ITFG1: variants seen among roughly 807,000 people sequenced by gnomAD.
ITFG1 encodes the protein integrin alpha FG-GAP repeat containing 1.
ITFG1 carries 34 observed loss-of-function variants against 81.8 expected under a neutral mutation model. The observed-to-expected ratio is 0.42, with a 90% CI of 0.32 to 0.55. ITFG1 has a LOEUF of 0.55. Ranked by LOEUF, ITFG1 falls within the 20% of genes least tolerant of loss-of-function variation. ITFG1 has a pLI of 0.17. For missense variants in ITFG1, 672 were observed against 755.4 expected (o/e 0.89, Z 1.29); for synonymous variants, 285 against 270.6 (o/e 1.05, Z -0.52).
At chr16:47,338,174 C>G (rs960061223) in intron 8 of ITFG1, among the ~76,000 whole-genome samples, 3 of 152,206 alleles carry the variant, frequency 2.0e-5, no homozygotes, top group African/African-American at 7.2e-5. Flanking sequence ...CTTTGGGAGT[C>G]TGAGGTGGGT....
chr16:47,399,898 T>C (rs1247205659), intron 6 of ITFG1, among the ~76,000 whole-genome samples: 1 of 152,190 alleles, frequency 6.6e-6, no homozygotes, highest in Non-Finnish European at 1.5e-5. Flanking sequence ...AATAATACAG[T>C]GATAACTGGA....
chr16:47,196,518 C>G (rs1236950939), intron 14 of ITFG1: 1 of 152,080 alleles, frequency 6.6e-6, no homozygotes, highest in Admixed American at 6.6e-5. Flanking sequence ...ATCCCAAGCC[C>G]CGCAACCAAC....
chr16:47,416,391 ATTACT>A (rs1968875343), intron 6 of ITFG1, among the ~76,000 whole-genome samples: 1 of 152,160 alleles, frequency 6.6e-6, no homozygotes, highest in Non-Finnish European at 1.5e-5. Flanking sequence ...GAATTCATAC[ATTACT>A]TGTTTTTTCT....
chr16:47,173,955 A>C (rs558391592), intron 14 of ITFG1, among the ~76,000 whole-genome samples: 1 of 152,258 alleles, frequency 6.6e-6, no homozygotes, highest in Non-Finnish European at 1.5e-5. Flanking sequence ...CAGGAGAATC[A>C]CTTGAACCAG....
chr16:47,459,973 G>A (rs577388722), intron 1 of ITFG1, among the ~76,000 whole-genome samples: 2 of 152,284 alleles, frequency 1.3e-5, no homozygotes, highest in South Asian at 4.1e-4. Context: ...TTCCTTCACA[G>A]CATTGATCTT....
chr16:47,166,610 G>T (rs935435016), intron 14 of ITFG1, among the ~76,000 whole-genome samples: 3 of 152,180 alleles, frequency 2.0e-5, no homozygotes, highest in Admixed American at 2.0e-4. Flanking sequence ...GTATTATTAT[G>T]TATACTTCTA....
At chr16:47,221,443 C>T (rs574027305) in intron 13 of ITFG1, among the ~76,000 whole-genome samples, 1 of 152,278 alleles carries the variant, frequency 6.6e-6, no homozygotes, top group African/African-American at 2.4e-5. Context: ...CCCACTTGAT[C>T]ATGGTGGATA....
intron 10 of ITFG1, among the ~76,000 whole-genome samples, chr16:47,290,193 A>G (rs1966890186): frequency 6.6e-6 from 1 of 152,144 alleles, no homozygotes; most frequent in African/African-American, 2.4e-5. Flanking sequence ...TATTTAATAT[A>G]ATTTTAATTT....
intron 5 of ITFG1, among the ~76,000 whole-genome samples, chr16:47,430,689 T>G (rs1302241766): frequency 6.6e-6 from 1 of 152,200 alleles, no homozygotes; most frequent in East Asian, 1.9e-4. Context: ...TTGAAGTCCC[T>G]ACTTCACACT....
chr16:47,407,897 G>A (rs1291769507), intron 6 of ITFG1, among the ~76,000 whole-genome samples: 1 of 152,132 alleles, frequency 6.6e-6, no homozygotes, highest in Non-Finnish European at 1.5e-5. Flanking sequence ...TTATGACCCA[G>A]TAGATGGTGC....
intron 2 of ITFG1, among the ~76,000 whole-genome samples, chr16:47,455,964 A>C (rs1368137360): frequency 6.6e-6 from 1 of 152,098 alleles, no homozygotes; most frequent in Non-Finnish European, 1.5e-5. Flanking sequence ...AAAATTTTTC[A>C]AAGAAATATT....
intron 14 of ITFG1, among the ~76,000 whole-genome samples, chr16:47,178,695 G>T (rs1339544740): frequency 6.6e-6 from 1 of 152,104 alleles, no homozygotes; most frequent in Non-Finnish European, 1.5e-5. Flanking sequence ...AACACCAAAA[G>T]CAATGGCAAC....
intron 6 of ITFG1, among the ~76,000 whole-genome samples, chr16:47,401,751 T>C (rs1968664219): frequency 6.6e-6 from 1 of 152,176 alleles, no homozygotes; most frequent in Non-Finnish European, 1.5e-5. Context: ...TATAACAGAT[T>C]CATTAAAAAA....
At chr16:47,224,659 A>G (rs779935952) in intron 13 of ITFG1, among the ~76,000 whole-genome samples, 1 of 152,232 alleles carries the variant, frequency 6.6e-6, no homozygotes, top group Non-Finnish European at 1.5e-5. Context: ...TTTTCAATAA[A>G]AAAAATTATG....
chr16:47,451,580 G>A (rs887751543), intron 4 of ITFG1, 110 bp from the exon 5 acceptor site: 8 of 618,020 alleles, frequency 1.3e-5, no homozygotes, highest in Non-Finnish European at 2.0e-5. Flanking sequence ...TACAATGCTC[G>A]CCAGTATCTA....
intron 6 of ITFG1, among the ~76,000 whole-genome samples, chr16:47,392,858 AT>A (rs767626727): frequency 1.1e-4 from 17 of 152,202 alleles, no homozygotes; most frequent in Non-Finnish European, 2.1e-4. Context: ...CTGGGACAAA[AT>A]ATTTAACAAC....
intron 6 of ITFG1, among the ~76,000 whole-genome samples, chr16:47,407,931 A>G (rs1331334263): frequency 6.7e-6 from 1 of 149,964 alleles, no homozygotes; most frequent in African/African-American, 2.5e-5. Flanking sequence ...GAGATCACCA[A>G]GAGTGTGCAA....
At chr16:47,300,966 C>T (rs1967066346) in intron 10 of ITFG1, among the ~76,000 whole-genome samples, 1 of 152,184 alleles carries the variant, frequency 6.6e-6, no homozygotes, top group East Asian at 1.9e-4. Context: ...CACTTAAGTT[C>T]TCTGTGCCCT....
intron 8 of ITFG1, among the ~76,000 whole-genome samples, chr16:47,340,981 G>A (rs1967773998): frequency 6.6e-6 from 1 of 151,944 alleles, no homozygotes; most frequent in Non-Finnish European, 1.5e-5. Flanking sequence ...GGCTCAAAAT[G>A]TAAGAAGCAC....
Sources: allele counts gnomAD v4.1 joint callset (sites outside exome capture counted in the v4.1 genomes callset), GRCh38; gene constraint gnomAD v4.1.1; transcripts MANE v1.5; gene names NCBI Gene and HGNC (gene_info 2026-07-23, HGNC 2026-07-21).